Variants in FGF14 observed in about 807,000 individuals in gnomAD.
The protein encoded by FGF14 is fibroblast growth factor 14.
In FGF14, 5 loss-of-function variants were observed where a neutral mutation model predicts 25.5. The ratio of observed to expected loss-of-function variants is 0.20; its 90% CI spans 0.10 to 0.41. The LOEUF (loss-of-function observed/expected upper bound fraction) is 0.41, where lower values mean the gene tolerates loss of function less well. Among genes scored for constraint, FGF14 ranks in the 10% least tolerant of loss-of-function variants. The pLI is 1.00. For missense variants in FGF14, 222 were observed against 320.1 expected, an observed-to-expected ratio of 0.69 and a Z score of 2.34; for synonymous variants, 138 against 118.3, an observed-to-expected ratio of 1.17 and a Z score of -1.08.
chr13:102,161,570 AAAGAAAGAAGAAGAAGAAG>A lies in FGF14; in HGVS notation c.208+239882_208+239900del. Among the ~76,000 whole-genome samples the A allele has an allele frequency of 9.2e-3, 52 of 5,656 alleles. 4 individuals are homozygous for A. The highest frequency in any genetic ancestry group is 0.011 in the Non-Finnish European group (48 of 4,184). The allele number at this position is 5,656 out of a possible 152,430, so 3.7% of individuals were successfully genotyped here. The stretch of plus-strand genomic sequence containing the variant: ...TCTATGCAACCAACTTTCTGTGAAG[AAAGAAAGAAGAAGAAGAAG>A]AAGAAGAAGAAGAAGAAGAAGAAGA... On this transcript the variant is annotated intron_variant, in intron 1 of 4. Transcript: ENST00000376131.
intron 1 of FGF14, among the ~76,000 whole-genome samples, chr13:101,894,589 G>C (rs886859387): frequency 1.3e-5 from 2 of 152,270 alleles, no homozygotes; most frequent in East Asian, 3.9e-4. Context: ...TTTCTGCCAA[G>C]AGGCTCTTTA....
At chr13:102,267,573 G>A (rs2053051288) in intron 1 of FGF14, among the ~76,000 whole-genome samples, 1 of 151,970 alleles carries the variant, frequency 6.6e-6, no homozygotes, top group Non-Finnish European at 1.5e-5. Flanking sequence ...TCATATCTAT[G>A]GTTATATATA....
At chr13:102,249,670 C>G (rs1401386035) in intron 1 of FGF14, among the ~76,000 whole-genome samples, 1 of 151,838 alleles carries the variant, frequency 6.6e-6, no homozygotes, top group Non-Finnish European at 1.5e-5. Context: ...TAGGACTACA[C>G]CTGTGTCTAT....
chr13:102,041,523 T>C (rs1363041272), intron 1 of FGF14, among the ~76,000 whole-genome samples: 1 of 118,878 alleles, frequency 8.4e-6, no homozygotes, highest in Non-Finnish European at 1.8e-5. Flanking sequence ...GTAAGTGAAT[T>C]CCTTAAAAAA....
chr13:102,191,838 G>A (rs2140828219), intron 1 of FGF14, among the ~76,000 whole-genome samples: 1 of 152,244 alleles, frequency 6.6e-6, no homozygotes, highest in Middle Eastern at 3.4e-3. Flanking sequence ...CAAGTTATGT[G>A]CTTCCAAATT....
At chr13:102,384,983 T>G (rs2058267592) in intron 1 of FGF14, among the ~76,000 whole-genome samples, 1 of 152,124 alleles carries the variant, frequency 6.6e-6, no homozygotes, top group Non-Finnish European at 1.5e-5. Context: ...TATGAAAGAG[T>G]CATAGCAGTC....
intron 3 of FGF14, among the ~76,000 whole-genome samples, chr13:101,733,061 T>C (rs532276354): frequency 1.3e-5 from 2 of 152,282 alleles, no homozygotes; most frequent in African/African-American, 4.8e-5. Context: ...TTAAGATTAC[T>C]TATAAAGAAA....
At chr13:101,756,253 C>T (rs2037641397) in intron 3 of FGF14, among the ~76,000 whole-genome samples, 1 of 152,074 alleles carries the variant, frequency 6.6e-6, no homozygotes. Flanking sequence ...CACATAAAAC[C>T]TTTCTTTGTG....
At chr13:101,857,493 T>C (rs1267366904) in intron 3 of FGF14, among the ~76,000 whole-genome samples, 9 of 152,044 alleles carry the variant, frequency 5.9e-5, no homozygotes. Flanking sequence ...CTAATATGTT[T>C]CTGCTGAAAA....
chr13:102,209,253 T>C (rs1200730695), intron 1 of FGF14, among the ~76,000 whole-genome samples: 1 of 152,134 alleles, frequency 6.6e-6, no homozygotes, highest in East Asian at 1.9e-4. Flanking sequence ...AACCTTGGGG[T>C]ATTTGTAATG....
intron 1 of FGF14, among the ~76,000 whole-genome samples, chr13:102,063,925 T>A (rs2042794992): frequency 6.6e-6 from 1 of 152,156 alleles, no homozygotes; most frequent in Admixed American, 6.5e-5. Context: ...GGCAATAATG[T>A]TTTTAAAGAA....
At chr13:101,838,241 C>G (rs1055166967) in intron 3 of FGF14, among the ~76,000 whole-genome samples, 1 of 151,790 alleles carries the variant, frequency 6.6e-6, no homozygotes, top group Non-Finnish European at 1.5e-5. Flanking sequence ...TCTTCTTAAC[C>G]CTGTTCATAT....
intron 1 of FGF14, among the ~76,000 whole-genome samples, chr13:101,950,659 T>G (rs1216225459): frequency 6.6e-6 from 1 of 152,140 alleles, no homozygotes; most frequent in African/African-American, 2.4e-5. Context: ...AGGGAAAAGC[T>G]AGTTAAGCCA....
Position 102,114,236 on chromosome 13 carries a change from C to A in FGF14, c.209-238940G>T, listed in dbSNP as rs557544423. On this transcript the variant is annotated intron_variant, in intron 1 of 4. Transcript: ENST00000376131. ...TTCTGAAGAAATATCGAGTTCTTTG[C>A]CTGTTTTCTAAGTGGGTTATTCATT... is the stretch of plus-strand genomic sequence containing the variant. 3.5e-4 allele frequency among the ~76,000 whole-genome samples: 53 copies of A among 152,228 alleles called. No individual in the cohort carries two copies. In the Middle Eastern group the frequency reaches 0.024, roughly 68 times the overall value.
intron 1 of FGF14, among the ~76,000 whole-genome samples, chr13:102,264,195 T>A (rs1219699602): frequency 6.6e-6 from 1 of 151,900 alleles, no homozygotes; most frequent in Admixed American, 6.6e-5. Context: ...TTAAGACTCA[T>A]GATACTCATC....
chr13:102,276,336 T>TGC (rs1341097071), intron 1 of FGF14, among the ~76,000 whole-genome samples: 1 of 27,370 alleles, frequency 3.7e-5, no homozygotes, highest in African/African-American at 1.7e-4. Context: ...CACGTACGTG[T>TGC]GTGTGTGTGT....
intron 1 of FGF14, among the ~76,000 whole-genome samples, chr13:102,064,855 T>C (rs765000436): frequency 6.6e-6 from 1 of 152,126 alleles, no homozygotes; most frequent in Non-Finnish European, 1.5e-5. Context: ...ATGAAAATAC[T>C]ATGCCATTTT....
chr13:102,172,246 C>T (rs1011556693), intron 1 of FGF14, among the ~76,000 whole-genome samples: 6 of 152,022 alleles, frequency 3.9e-5, no homozygotes, highest in African/African-American at 1.2e-4. Context: ...TGATTTAAAA[C>T]AACTCTATTC....
intron 3 of FGF14, among the ~76,000 whole-genome samples, chr13:101,859,607 T>C (rs568330475): frequency 2.0e-5 from 3 of 152,282 alleles, no homozygotes; most frequent in Admixed American, 6.5e-5. Context: ...GTTGAATGGT[T>C]TTCCACATAT....
Sources: gnomAD v4.1 joint callset for allele counts (sites outside exome capture counted in the v4.1 genomes callset) on GRCh38, gnomAD v4.1.1 for gene constraint, MANE v1.5 for transcripts, NCBI Gene and HGNC (gene_info 2026-07-23, HGNC 2026-07-21) for gene names.